The following ADK variants were observed in gnomAD, a reference collection of about 807,000 sequenced individuals.
ADK encodes the protein adenosine kinase.
In ADK, 24 loss-of-function variants were observed where a neutral mutation model predicts 44.7. That is an observed-to-expected ratio of 0.54 (90% confidence interval 0.39 to 0.76). The LOEUF (loss-of-function observed/expected upper bound fraction) is 0.76. ADK is among the 30% of genes least tolerant of loss of function. The pLI is 0.00. For missense variants in ADK, 321 were observed against 425.1 expected (o/e 0.76, Z 2.15); for synonymous variants, 128 against 142.6 (o/e 0.90, Z 0.73).
At chr10:74,495,525 C>T (rs117423239) in intron 6 of ADK, among the ~76,000 whole-genome samples, 14 of 152,168 alleles carry the variant, frequency 9.2e-5, no homozygotes, top group Non-Finnish European at 1.2e-4. Context: ...AAAATGGATT[C>T]TCTAATTTTC....
chr10:74,388,075 AT>A (rs1186459626), intron 4 of ADK, among the ~76,000 whole-genome samples: 1 of 151,810 alleles, frequency 6.6e-6, no homozygotes, highest in Non-Finnish European at 1.5e-5. Context: ...TGCCTGGTTA[AT>A]TTTTTGTATT....
chr10:74,445,819 A>G (rs1845570244), intron 6 of ADK, among the ~76,000 whole-genome samples: 1 of 152,086 alleles, frequency 6.6e-6, no homozygotes, highest in Non-Finnish European at 1.5e-5. Flanking sequence ...AACATCAAGT[A>G]TGAATGAAAC....
At chr10:74,653,039 T>C (rs1467209685) in intron 9 of ADK, among the ~76,000 whole-genome samples, 1 of 152,212 alleles carries the variant, frequency 6.6e-6, no homozygotes, top group Non-Finnish European at 1.5e-5. Flanking sequence ...TTCTTGGTTT[T>C]AGTTTAGTTC....
intron 6 of ADK, among the ~76,000 whole-genome samples, chr10:74,505,132 G>A (rs1393422788): frequency 3.9e-5 from 6 of 152,006 alleles, no homozygotes; most frequent in Non-Finnish European, 7.4e-5. Context: ...GAAGAGGTAG[G>A]CATACTCAGT....
intron 2 of ADK, among the ~76,000 whole-genome samples, chr10:74,222,131 C>T (rs1484373388): frequency 2.6e-5 from 4 of 151,814 alleles, no homozygotes; most frequent in Non-Finnish European, 5.9e-5. Context: ...GGGCTAATAT[C>T]CAGAATCTAC....
At chr10:74,594,821 C>G (rs1310574759) in intron 8 of ADK, among the ~76,000 whole-genome samples, 3 of 152,090 alleles carry the variant, frequency 2.0e-5, no homozygotes, top group Non-Finnish European at 4.4e-5. Context: ...TTCATACTTG[C>G]ACAAACCTTG....
At chr10:74,395,252 A>C (rs1843468067) in intron 5 of ADK, among the ~76,000 whole-genome samples, 1 of 148,260 alleles carries the variant, frequency 6.7e-6, no homozygotes. Flanking sequence ...ATCCTCCTTT[A>C]TTTTCTTCCC....
At chr10:74,242,907 C>T (rs1845277061) in intron 3 of ADK, among the ~76,000 whole-genome samples, 1 of 152,176 alleles carries the variant, frequency 6.6e-6, no homozygotes, top group South Asian at 2.1e-4. Flanking sequence ...CCCTCTCCAG[C>T]TCCCCTCTCC....
intron 10 of ADK, among the ~76,000 whole-genome samples, chr10:74,691,460 T>C (rs1034978545): frequency 3.3e-5 from 5 of 152,224 alleles, no homozygotes; most frequent in African/African-American, 1.2e-4. Context: ...AGTTTGATAT[T>C]ACTCATGGAT....
chr10:74,382,625 A>G (rs1843008840), intron 4 of ADK, among the ~76,000 whole-genome samples: 1 of 152,086 alleles, frequency 6.6e-6, no homozygotes, highest in Non-Finnish European at 1.5e-5. Context: ...ATTTTTGTTA[A>G]TCTTAAGAAA....
At chr10:74,176,635 G>A in intron 1 of ADK, 1 of 1,402,482 alleles carries the variant, frequency 7.1e-7, no homozygotes, top group East Asian at 2.7e-5. Flanking sequence ...ACACGCGGTG[G>A]CCCACGGCGT....
intron 9 of ADK, among the ~76,000 whole-genome samples, chr10:74,603,854 A>G (rs1186149530): frequency 6.6e-6 from 1 of 152,202 alleles, no homozygotes; most frequent in East Asian, 1.9e-4. Context: ...GAACTAATTT[A>G]CACTTCCACC....
intron 1 of ADK, among the ~76,000 whole-genome samples, chr10:74,196,856 G>A (rs1363989180): frequency 3.3e-5 from 5 of 152,150 alleles, no homozygotes; most frequent in Non-Finnish European, 5.9e-5. Flanking sequence ...GAAAAGTTCA[G>A]ATGGAGTATA....
At chr10:74,355,767 A>G (rs1842116174) in intron 4 of ADK, among the ~76,000 whole-genome samples, 1 of 152,090 alleles carries the variant, frequency 6.6e-6, no homozygotes, top group Admixed American at 6.5e-5. Flanking sequence ...AATTTTCATT[A>G]TATATAAAGA....
chr10:74,639,175 T>G (rs1235146725), intron 9 of ADK, among the ~76,000 whole-genome samples: 2 of 152,220 alleles, frequency 1.3e-5, no homozygotes, highest in East Asian at 3.8e-4. Flanking sequence ...ATAGGGGACT[T>G]TCATAAAGAA....
At chr10:74,548,436 G>T (rs55780303) in intron 7 of ADK, among the ~76,000 whole-genome samples, 4 of 152,106 alleles carry the variant, frequency 2.6e-5, no homozygotes. Flanking sequence ...GCCAGATTTA[G>T]CAAATAAAAA....
chr10:74,544,717 A>G (rs917196517), intron 7 of ADK, among the ~76,000 whole-genome samples: 6 of 151,980 alleles, frequency 3.9e-5, no homozygotes, highest in African/African-American at 1.2e-4. Context: ...TCCACTAAAA[A>G]TACAAACATT....
At chr10:74,621,494 CTG>C (rs908455665) in intron 9 of ADK, among the ~76,000 whole-genome samples, 1 of 152,014 alleles carries the variant, frequency 6.6e-6, no homozygotes, top group African/African-American at 2.4e-5. Context: ...ATTTTGAAGT[CTG>C]ATAGTATGAT....
intron 9 of ADK, among the ~76,000 whole-genome samples, chr10:74,604,108 T>TTTTGTAAATTTGTTTAAGTTC (rs1280413327): frequency 6.6e-6 from 1 of 152,220 alleles, no homozygotes; most frequent in Non-Finnish European, 1.5e-5. Flanking sequence ...TTTGTTCGTT[T>TTTTGTAAATTTGTTTAAGTTC]TTTGTAAATT....
Sources: allele counts gnomAD v4.1 joint callset (sites outside exome capture counted in the v4.1 genomes callset), GRCh38; gene constraint gnomAD v4.1.1; transcripts MANE v1.5; gene names NCBI Gene and HGNC (gene_info 2026-07-23, HGNC 2026-07-21).